AGBL1: variants seen among roughly 807,000 people sequenced by gnomAD.
AGBL1 encodes the protein AGBL carboxypeptidase 1.
A neutral mutation model predicts 118.9 loss-of-function variants in AGBL1; 130 were observed. The ratio of observed to expected loss-of-function variants is 1.09; its 90% CI spans 0.95 to 1.26. The LOEUF (loss-of-function observed/expected upper bound fraction) is 1.26, where lower values mean the gene tolerates loss of function less well. Among genes scored for constraint, AGBL1 ranks in the 50% most tolerant of loss-of-function variants. The pLI, the probability that AGBL1 is intolerant of heterozygous loss-of-function variation, is 0.00. For synonymous variants in AGBL1, 555 were observed against 478.9 expected (o/e 1.16, Z -2.08); for missense variants, 1,584 against 1,298.1 (o/e 1.22, Z -3.38).
chr15:86,351,986 T>G (rs1310601542), intron 17 of AGBL1, among the ~76,000 whole-genome samples: 1 of 152,178 alleles, frequency 6.6e-6, no homozygotes, highest in Non-Finnish European at 1.5e-5. Flanking sequence ...CCTCAGATAT[T>G]CTACCTCCTT....
chr15:86,462,596 C>A (rs867510445), intron 18 of AGBL1, among the ~76,000 whole-genome samples: 1 of 152,096 alleles, frequency 6.6e-6, no homozygotes, highest in African/African-American at 2.4e-5. Flanking sequence ...GCCCCCACCT[C>A]CCAACAGGCC....
intron 17 of AGBL1, among the ~76,000 whole-genome samples, chr15:86,354,999 G>T (rs1181266045): frequency 6.6e-6 from 1 of 152,206 alleles, no homozygotes; most frequent in African/African-American, 2.4e-5. Context: ...CTAGTTGACA[G>T]CCAGCAAGAG....
chr15:86,479,525 A>C (rs192039425), intron 18 of AGBL1, among the ~76,000 whole-genome samples: 1 of 152,202 alleles, frequency 6.6e-6, no homozygotes, highest in South Asian at 2.1e-4. Context: ...CAAAACCACA[A>C]TGAGATACCA....
At chr15:86,713,996 A>G (rs756636279) in intron 22 of AGBL1, among the ~76,000 whole-genome samples, 1 of 152,216 alleles carries the variant, frequency 6.6e-6, no homozygotes, top group Non-Finnish European at 1.5e-5. Flanking sequence ...GGCTGAAAGC[A>G]TAGGCAACAG....
chr15:86,295,576 A>T, intron 17 of AGBL1, 168 bp downstream of exon 17: 1 of 556,502 alleles, frequency 1.8e-6, no homozygotes, highest in Non-Finnish European at 2.9e-6. Flanking sequence ...AAGGTTAAAC[A>T]TTAATGTTGC....
intron 22 of AGBL1, among the ~76,000 whole-genome samples, chr15:86,888,066 A>G (rs572824500): frequency 3.3e-5 from 5 of 152,150 alleles, no homozygotes; most frequent in Non-Finnish European, 7.4e-5. Flanking sequence ...AAGGAGGTGC[A>G]TCTTGCGGGA....
intron 1 of AGBL1, chr15:86,139,943 C>A: frequency 6.3e-6 from 1 of 157,556 alleles, no homozygotes; most frequent in South Asian, 1.7e-4. Flanking sequence ...AACTGCTTCA[C>A]TGTGGGCCGG....
Position 86,563,726 on chromosome 15 carries a change from TG to T in AGBL1, c.2994+9193del, listed in dbSNP as rs543987098. Among the ~76,000 whole-genome samples the T allele has an allele frequency of 3.6e-3, 541 of 152,230 alleles. 9 individuals are homozygous for T. The highest frequency in any genetic ancestry group is 3.7e-3 in the East Asian group (19 of 5,180). On this transcript the variant is annotated intron_variant, in intron 21 of 22. Coordinates refer to ENST00000614907, the MANE Select transcript of AGBL1 (RefSeq NM_001386094.1). The stretch of plus-strand genomic sequence containing the variant: ...TTGTTGGTCTGTCTAATGTTGACAG[TG>T]GGGTGTTAAAGTCTCCCATAATTAT...
At chr15:86,262,234 A>G (rs906479825) in intron 9 of AGBL1, among the ~76,000 whole-genome samples, 3 of 151,982 alleles carry the variant, frequency 2.0e-5, no homozygotes, top group Non-Finnish European at 2.9e-5. Context: ...GTTGGAAATT[A>G]ACTTATTCAT....
intron 18 of AGBL1, among the ~76,000 whole-genome samples, chr15:86,470,496 G>C (rs568034266): frequency 6.6e-6 from 1 of 152,142 alleles, no homozygotes; most frequent in African/African-American, 2.4e-5. Context: ...TGTTCTTTAT[G>C]CTCAAGATTG....
rs143853108 is a variant in AGBL1, at chr15:86,499,728, A to G, written c.2556-23082A>G. On this transcript the variant is annotated intron_variant, in intron 18 of 22. Coordinates refer to ENST00000614907, the MANE Select transcript of AGBL1 (RefSeq NM_001386094.1). Reference sequence around the variant, plus strand: ...AGGAGGTATACATTTTAAATGCATTAAAGGAAACTAAAGTTTTAAATTGTA... The same window carrying G: ...AGGAGGTATACATTTTAAATGCATTGAAGGAAACTAAAGTTTTAAATTGTA... 5.9e-3 allele frequency among the ~76,000 whole-genome samples: 896 copies of G among 152,050 alleles called. 13 individuals carry two copies. The highest frequency in any genetic ancestry group is 0.02 in the African/African-American group (816 of 41,522).
At chr15:86,874,756 A>T (rs1032622674) in intron 22 of AGBL1, among the ~76,000 whole-genome samples, 2 of 152,194 alleles carry the variant, frequency 1.3e-5, no homozygotes, top group Admixed American at 1.3e-4. Context: ...TATTATGAGT[A>T]CTTTTTATGC....
chr15:86,705,745 A>G (rs1032832962), intron 22 of AGBL1, among the ~76,000 whole-genome samples: 1 of 152,156 alleles, frequency 6.6e-6, no homozygotes, highest in African/African-American at 2.4e-5. Context: ...TTTTCACTGG[A>G]TCTTTGAGGT....
At chr15:86,381,961 A>G (rs534692086) in intron 17 of AGBL1, among the ~76,000 whole-genome samples, 54 of 152,302 alleles carry the variant, frequency 3.5e-4, no homozygotes, top group African/African-American at 1.3e-3. Context: ...AGAAATAGGA[A>G]TGGAGAGGAC....
chr15:86,791,365 G>T (rs1033761357), intron 22 of AGBL1, among the ~76,000 whole-genome samples: 3 of 152,012 alleles, frequency 2.0e-5, no homozygotes, highest in African/African-American at 7.2e-5. Context: ...TTTCACTTTT[G>T]CCTGTTACGG....
intron 22 of AGBL1, among the ~76,000 whole-genome samples, chr15:86,819,909 A>AACCAAAACAGCATGGTACTGGT (rs2078915697): frequency 2.0e-5 from 3 of 152,168 alleles, no homozygotes; most frequent in Admixed American, 2.0e-4. Context: ...AGGCTACGGT[A>AACCAAAACAGCATGGTACTGGT]ACCAAAACAG....
chr15:86,227,960 G>A (rs751764892), intron 6 of AGBL1, among the ~76,000 whole-genome samples: 3 of 152,164 alleles, frequency 2.0e-5, no homozygotes, highest in Non-Finnish European at 4.4e-5. Flanking sequence ...CAAGAAAGAG[G>A]ACTTCATTTA....
At position 86,744,428 on chromosome 15, in the gene AGBL1, G is replaced by A. The variant is rs16977952; in HGVS notation, c.3158+69992G>A. On this transcript the variant is annotated intron_variant, in intron 22 of 22. Transcript: ENST00000614907. ...GGCCAAGTGATCTGCTATTGAAGCT[G>A]GAAGAAATATCTCCCTCCCAGTGAC... 9.1e-3 allele frequency among the ~76,000 whole-genome samples: 1,381 copies of A among 152,176 alleles called. 23 individuals carry two copies. The highest frequency in any genetic ancestry group is 0.03 in the African/African-American group (1,240 of 41,530).
intron 22 of AGBL1, among the ~76,000 whole-genome samples, chr15:86,898,607 C>G (rs893373338): frequency 6.6e-6 from 1 of 152,032 alleles, no homozygotes; most frequent in African/African-American, 2.4e-5. Context: ...ACACAGTAAA[C>G]AGAAAATCTA....
Sources: gnomAD v4.1 joint callset for allele counts (sites outside exome capture counted in the v4.1 genomes callset) on GRCh38, gnomAD v4.1.1 for gene constraint, MANE v1.5 for transcripts, NCBI Gene and HGNC (gene_info 2026-07-23, HGNC 2026-07-21) for gene names.